The following FBLN1 variants were observed in gnomAD, a reference collection of about 807,000 sequenced individuals.
FBLN1 encodes the protein fibulin 1, also known as fibulin-1.
A neutral mutation model predicts 89.7 loss-of-function variants in FBLN1; 34 were observed. That is an observed-to-expected ratio of 0.38 (90% confidence interval 0.29 to 0.50). FBLN1 has a LOEUF of 0.50. FBLN1 is among the 20% of genes least tolerant of loss of function. The pLI is 0.92. For synonymous variants in FBLN1, 393 were observed against 391.3 expected (o/e 1.00, Z -0.05); for missense variants, 777 against 988.1 (o/e 0.79, Z 2.86).
At chr22:45,560,666 C>T (rs1371560395) in intron 14 of FBLN1, among the ~76,000 whole-genome samples, 1 of 152,200 alleles carries the variant, frequency 6.6e-6, no homozygotes, top group East Asian at 1.9e-4. Flanking sequence ...TTCCTTCCAC[C>T]ATTCTCCGAC....
At chr22:45,596,018 T>C (rs1255552938) in intron 16 of FBLN1, among the ~76,000 whole-genome samples, 2 of 152,112 alleles carry the variant, frequency 1.3e-5, no homozygotes, top group Admixed American at 1.3e-4. Context: ...TGCAGGCGTG[T>C]CCCACCACGC....
chr22:45,579,093 G>A lies in FBLN1; in HGVS notation c.1972+1985G>A, dbSNP rs183143583. On this transcript the variant is annotated intron_variant, in intron 16 of 16. Coordinates refer to ENST00000327858, the MANE Select transcript of FBLN1 (RefSeq NM_006486.3). This position sits in a 1 kb window ranked among gnomAD's most constrained non-coding sequence, Gnocchi z 5.5. ...TTCCCACCTACATCCTTCCTGGGGT[G>A]ACCCAAGCCAAGAGGTTGGGCAGCT... 6.8e-4 allele frequency among the ~76,000 whole-genome samples: 103 copies of A among 152,318 alleles called. No homozygotes were observed. Among genetic ancestry groups the A allele is most frequent in the Middle Eastern group, 3.4e-3 (1 of 294 alleles).
At chr22:45,518,585 A>C in intron 1 of FBLN1, 97 bp from the exon 2 acceptor site, 1 of 897,916 alleles carries the variant, frequency 1.1e-6, no homozygotes, top group Non-Finnish European at 1.8e-6. Flanking sequence ...GCTGTCGTCA[A>C]GACAGAAGGA....
In FBLN1 at chr22:45,572,631, C is replaced by A. The variant is rs1033539497; in HGVS notation, c.1698-1880C>A. On this transcript the variant is annotated intron_variant, in intron 14 of 16. Transcript: ENST00000327858. The surrounding 1 kb of genome is among the most constrained non-coding windows in gnomAD (Gnocchi z 5.8). ...AAGTGAAGTGGTAGAACCAGACTAT[C>A]GGCATTTTGCAATCCTTGATGAATC... 6.6e-6 allele frequency among the ~76,000 whole-genome samples: 1 copy of A among 152,242 alleles called. No individual in the cohort carries two copies. Among genetic ancestry groups the A allele is most frequent in the East Asian group, 1.9e-4 (1 of 5,204 alleles).
rs543812078 is a variant in FBLN1 at position 45,525,824 on chromosome 22, G to C, written c.321+146G>C. 7 of 1,136,912 alleles carry C rather than the reference G, an allele frequency of 6.2e-6. No homozygotes were observed. In the South Asian group the frequency reaches 7.0e-5, roughly 11 times the overall value. 70.4% of individuals were successfully genotyped at this position (1,136,912 alleles called of 1,614,324 possible). A position where few individuals can be genotyped will look rare whatever the true frequency, so the allele number is the denominator to read the frequency against. ...GCAGCTGGGGGTTCCTGGGCCAGGA[G>C]GGAGGTGGAAAACCCCACTGTTTCT... On this transcript the variant is annotated intron_variant, in intron 3 of 16. Transcript: ENST00000327858.
rs1415542102 is a variant in FBLN1 at position 45,528,025 on chromosome 22, C to G, written c.484+16C>G. ...CAAGAAACGGGTAACTTTCCCCCTT[C>G]CTTCCCTAATGAGCAGTGTATTAAG... On this transcript the variant is annotated intron_variant, in intron 4 of 16. Transcript: ENST00000327858. 1 of 1,613,880 alleles carries G rather than the reference C, an allele frequency of 6.2e-7. No individual in the cohort carries two copies.
Position 45,527,875 on chromosome 22 carries a change from G to A in FBLN1, c.350G>A (p.Arg117Lys). The change falls in exon 4 of 17, where the codon AGG (arginine) becomes AAG (lysine). Residue 117 changes from arginine to lysine, a missense_variant. By Grantham distance (26) the Arg-to-Lys change is conservative. Transcript: ENST00000327858. Reference sequence around the variant, plus strand: ...TGCTGCCATTGCTGTCTGCTGGGGAGGGCGGCCCAGGCCCAGGGCCAGAGC... The same window carrying A: ...TGCTGCCATTGCTGTCTGCTGGGGAAGGCGGCCCAGGCCCAGGGCCAGAGC... The part of the protein sequence containing the change: ...KRCCHCCLLG[R>K]AAQAQGQSCE... The A allele has an allele frequency of 6.2e-7, 1 of 1,614,088 alleles. No individual in the cohort carries two copies. The highest frequency in any genetic ancestry group is 8.5e-7 in the Non-Finnish European group (1 of 1,180,012).
intron 16 of FBLN1, among the ~76,000 whole-genome samples, chr22:45,585,664 C>T (rs1187039740): frequency 6.6e-6 from 1 of 152,218 alleles, no homozygotes; most frequent in Non-Finnish European, 1.5e-5. Flanking sequence ...GCCCGGCCTC[C>T]TCTGGGCTGG....
At chr22:45,548,171 C>T (rs1341887168) in intron 12 of FBLN1, among the ~76,000 whole-genome samples, 1 of 152,168 alleles carries the variant, frequency 6.6e-6, no homozygotes, top group African/African-American at 2.4e-5. Context: ...ACCTCTGCCT[C>T]CTTGAGTAGC....
In FBLN1 at chr22:45,527,796, G is replaced by A. The variant is rs374799552; in HGVS notation, c.322-51G>A. On this transcript the variant is annotated intron_variant, in intron 3 of 16. Transcript: ENST00000327858. Reference sequence around the variant, plus strand: ...TCCCCTGAGGCCTCTCGTGGACCCCGCTGGGCTGTCTGCCCGCTCCTCCAT... The same window carrying A: ...TCCCCTGAGGCCTCTCGTGGACCCCACTGGGCTGTCTGCCCGCTCCTCCAT... 996 of 1,608,756 alleles carry A rather than the reference G, an allele frequency of 6.2e-4. 2 individuals carry two copies. The African/African-American group carries it at 0.011, about 18-fold the overall frequency.
chr22:45,533,779 C>A lies in FBLN1; in HGVS notation c.665C>A (p.Thr222Lys), dbSNP rs369112052. 1.2e-6 allele frequency: 2 copies of A among 1,612,796 alleles called. No homozygotes were observed. The highest frequency in any genetic ancestry group is 1.7e-6 in the Non-Finnish European group (2 of 1,179,996). Reference sequence around the variant, plus strand: ...CTCCTAGATGTCAATGAATGCATCACGGGCAGCCACAGCTGCCGGCTTGGA... The same window carrying A: ...CTCCTAGATGTCAATGAATGCATCAAGGGCAGCCACAGCTGCCGGCTTGGA... ...VSCEDVNECI[T>K]GSHSCRLGES... Residue 222 changes from threonine (T) to lysine (K), a missense_variant, in exon 7 of 17, where the codon ACG (threonine) becomes AAG (lysine). Thr to Lys is a moderately conservative substitution (Grantham distance 78, BLOSUM62 -1). Transcript: ENST00000327858.
chr22:45,529,712 A>G (rs941491804), intron 4 of FBLN1, among the ~76,000 whole-genome samples: 1 of 152,134 alleles, frequency 6.6e-6, no homozygotes, highest in Non-Finnish European at 1.5e-5. Context: ...CTAAAAATAC[A>G]AAAATTAGCT....
intron 16 of FBLN1, among the ~76,000 whole-genome samples, chr22:45,582,333 G>A (rs1384013533): frequency 3.9e-5 from 6 of 152,314 alleles, no homozygotes; most frequent in South Asian, 2.1e-4. Flanking sequence ...CAGTGCTCCC[G>A]GCCATGGGAT....
intron 3 of FBLN1, among the ~76,000 whole-genome samples, chr22:45,525,910 G>A (rs961815846): frequency 1.1e-4 from 17 of 152,232 alleles, no homozygotes; most frequent in African/African-American, 2.7e-4. Context: ...CCACGAGGCC[G>A]GGGGGTGAAG....
At chr22:45,589,653 C>G (rs2089119255) in intron 16 of FBLN1, among the ~76,000 whole-genome samples, 1 of 152,170 alleles carries the variant, frequency 6.6e-6, no homozygotes, top group South Asian at 2.1e-4. Context: ...CCAACTTCAC[C>G]TGTCCCCTCC....
chr22:45,545,657 G>T lies in FBLN1; in HGVS notation c.1322-1428G>T, dbSNP rs1184925899. On this transcript the variant is annotated intron_variant, in intron 11 of 16. Coordinates refer to ENST00000327858, the MANE Select transcript of FBLN1 (RefSeq NM_006486.3). This position sits in a 1 kb window ranked among gnomAD's most constrained non-coding sequence, Gnocchi z 5.9. ...TGCACTGGGGAGTGTCTCTAGCGGG[G>T]GATGAGAGACCACACTGGACAGGTG... Among the ~76,000 whole-genome samples, 2 of 152,150 alleles carry T rather than the reference G, an allele frequency of 1.3e-5. No individual in the cohort carries two copies. The highest frequency in any genetic ancestry group is 4.8e-5 in the African/African-American group (2 of 41,410).
At chr22:45,533,738 C>T (rs199991452) in intron 6 of FBLN1, 23 bp from the exon 7 acceptor site, 826 of 1,607,952 alleles carry the variant, frequency 5.1e-4, no homozygotes, top group Middle Eastern at 8.3e-4. Context: ...TGGTCACCCC[C>T]GCACTGCCTC....
intron 1 of FBLN1, among the ~76,000 whole-genome samples, chr22:45,508,549 C>T (rs1211427921): frequency 1.3e-5 from 2 of 152,186 alleles, no homozygotes; most frequent in Non-Finnish European, 2.9e-5. Flanking sequence ...GCGTGAGCCA[C>T]CGCGCCCAGC....
rs2088985547 is a variant in FBLN1 at position 45,575,137 on chromosome 22, A to G, written c.1840+484A>G. 1.3e-5 allele frequency among the ~76,000 whole-genome samples: 2 copies of G among 152,160 alleles called. No individual in the cohort carries two copies. Among genetic ancestry groups the G allele is most frequent in the Non-Finnish European group, 2.9e-5 (2 of 68,036 alleles). On this transcript the variant is annotated intron_variant, in intron 15 of 16. Coordinates refer to ENST00000327858, the MANE Select transcript of FBLN1 (RefSeq NM_006486.3). The surrounding 1 kb of genome is among the most constrained non-coding windows in gnomAD (Gnocchi z 6.3). ...TGTCCCCCCCACACCCACCTGGCACAGCAGCATTTGGCCCATTCTCAGCTT... is the reference window on the plus strand; with the variant it reads ...TGTCCCCCCCACACCCACCTGGCACGGCAGCATTTGGCCCATTCTCAGCTT...
Sources: allele counts gnomAD v4.1 joint callset (sites outside exome capture counted in the v4.1 genomes callset), GRCh38; gene constraint gnomAD v4.1.1; non-coding constraint Gnocchi (gnomAD v3.1); transcripts MANE v1.5; gene names NCBI Gene and HGNC (gene_info 2026-07-23, HGNC 2026-07-21).